ATF7: variants seen among roughly 807,000 people sequenced by gnomAD.
The protein encoded by ATF7 is cyclic AMP-dependent transcription factor ATF-7.
ATF7 carries 10 observed loss-of-function variants against 50.4 expected under a neutral mutation model. The ratio of observed to expected loss-of-function variants is 0.20; its 90% confidence interval spans 0.12 to 0.34. The LOEUF is 0.34. Ranked by LOEUF, ATF7 falls within the 10% of genes least tolerant of loss-of-function variation. The pLI, the probability that ATF7 is intolerant of heterozygous loss-of-function variation, is 1.00. For synonymous variants in ATF7, 201 were observed against 226.4 expected (o/e 0.89, Z 1.01); for missense variants, 465 against 613.9 (o/e 0.76, Z 2.56).
At chr12:53,596,483 C>T (rs1943162950) in intron 2 of ATF7, among the ~76,000 whole-genome samples, 1 of 152,120 alleles carries the variant, frequency 6.6e-6, no homozygotes, top group Non-Finnish European at 1.5e-5. Context: ...TCTGTTCAAA[C>T]ACTTGATTAT....
At chr12:53,550,766 T>C (rs868805770) in intron 3 of ATF7, among the ~76,000 whole-genome samples, 5 of 152,312 alleles carry the variant, frequency 3.3e-5, no homozygotes, top group Middle Eastern at 3.4e-3. Context: ...TAACTGGAGA[T>C]GTGAGAATTA....
rs781078507 is a variant in ATF7, at chr12:53,621,892, G to A, written c.-22+4387C>T. On this transcript the variant is annotated intron_variant, in intron 1 of 11. Transcript: ENST00000420353. ...TAAAATAGAAGTTGTGATTCCCCCC[G>A]TAGTTTGTATTTATTAGATTATATC... 2.1e-4 allele frequency among the ~76,000 whole-genome samples: 32 copies of A among 151,688 alleles called. 1 individual carries two copies. The highest frequency in any genetic ancestry group is 5.9e-5 in the Non-Finnish European group (4 of 67,992).
intron 1 of ATF7, among the ~76,000 whole-genome samples, chr12:53,606,232 T>C (rs1943600378): frequency 6.6e-6 from 1 of 151,550 alleles, no homozygotes; most frequent in Admixed American, 6.6e-5. Flanking sequence ...GCCAATAGAG[T>C]ATGCAGCAGA....
intron 2 of ATF7, among the ~76,000 whole-genome samples, chr12:53,584,790 G>A (rs150415424): frequency 4.9e-4 from 75 of 152,174 alleles, no homozygotes; most frequent in African/African-American, 1.8e-3. Context: ...AGTATGAAAC[G>A]GCCTTATATT....
chr12:53,611,492 T>C (rs1335527619), intron 1 of ATF7, among the ~76,000 whole-genome samples: 1 of 152,076 alleles, frequency 6.6e-6, no homozygotes, highest in African/African-American at 2.4e-5. Flanking sequence ...AATCCAGTAA[T>C]AGTATATATG....
chr12:53,588,023 T>C (rs916923555), intron 2 of ATF7, among the ~76,000 whole-genome samples: 1 of 151,452 alleles, frequency 6.6e-6, no homozygotes, highest in Non-Finnish European at 1.5e-5. Flanking sequence ...CTAATTTTTG[T>C]AGTTTTAGTA....
At chr12:53,609,181 T>C (rs1943740089) in intron 1 of ATF7, among the ~76,000 whole-genome samples, 1 of 147,622 alleles carries the variant, frequency 6.8e-6, no homozygotes, top group Non-Finnish European at 1.5e-5. Context: ...TGAGACAGGG[T>C]TCTGCTCTTG....
At chr12:53,575,173 C>T (rs903416550) in intron 2 of ATF7, among the ~76,000 whole-genome samples, 14 of 151,858 alleles carry the variant, frequency 9.2e-5, no homozygotes, top group East Asian at 5.8e-4. Flanking sequence ...TTTGGGAGGC[C>T]GAGGCAGGCG....
intron 2 of ATF7, among the ~76,000 whole-genome samples, chr12:53,572,745 G>A (rs1365056879): frequency 6.6e-6 from 1 of 151,888 alleles, no homozygotes; most frequent in South Asian, 2.1e-4. Flanking sequence ...CCAGGAGTTC[G>A]AGACTAGCCT....
intron 4 of ATF7, 111 bp downstream of exon 4, chr12:53,543,219 C>A (rs1404766826): frequency 6.5e-7 from 1 of 1,550,134 alleles, no homozygotes; most frequent in African/African-American, 1.4e-5. Context: ...TTTTACTCTA[C>A]TAAGCCCATG....
At chr12:53,529,268 C>T (rs916251981) in intron 9 of ATF7, among the ~76,000 whole-genome samples, 10 of 152,128 alleles carry the variant, frequency 6.6e-5, no homozygotes, top group African/African-American at 9.7e-5. Context: ...GGTGCGATCT[C>T]GGCTCACCGC....
At chr12:53,526,424 TATG>T (rs138556276) in intron 9 of ATF7, among the ~76,000 whole-genome samples, 1,644 of 152,208 alleles carry the variant, frequency 0.011, 16 homozygotes, top group South Asian at 0.068. Flanking sequence ...GTCTCTTCCT[TATG>T]ATTTTCTTAA....
At chr12:53,601,389 C>T (rs1372189839) in intron 1 of ATF7, among the ~76,000 whole-genome samples, 5 of 152,056 alleles carry the variant, frequency 3.3e-5, no homozygotes, top group South Asian at 4.1e-4. Flanking sequence ...TATTTCTGAA[C>T]GAGAGAAGAC....
At chr12:53,522,952 G>A (rs1486294719) in intron 11 of ATF7, among the ~76,000 whole-genome samples, 3 of 152,232 alleles carry the variant, frequency 2.0e-5, no homozygotes, top group Admixed American at 2.0e-4. Flanking sequence ...CCTAATCTGA[G>A]TGCAGAGTGC....
chr12:53,569,959 G>A (rs562189746), intron 2 of ATF7, among the ~76,000 whole-genome samples: 62 of 152,264 alleles, frequency 4.1e-4, no homozygotes, highest in Non-Finnish European at 7.9e-4. Context: ...TTACAGGTGT[G>A]AGCCACCGCG....
At chr12:53,609,399 C>T (rs946053116) in intron 1 of ATF7, among the ~76,000 whole-genome samples, 21 of 151,778 alleles carry the variant, frequency 1.4e-4, no homozygotes, top group African/African-American at 4.8e-4. Flanking sequence ...GGTGATCTGC[C>T]CGCCTCAGCC....
In ATF7 at chr12:53,564,937, G is replaced by GTGTGGCCCAAGACAATTCTTCTTCCAA. The variant is rs554984767; in HGVS notation, c.49-12327_49-12301dup. ...ATTGTTGGCGTTAGTATATTTTTAT[G>GTGTGGCCCAAGACAATTCTTCTTCCAA]TGTGGCCCAAGACAATTCTTCTTCC... is the stretch of plus-strand genomic sequence containing the variant. On this transcript the variant is annotated intron_variant, in intron 2 of 11. Transcript: ENST00000420353. Among the ~76,000 whole-genome samples, 675 of 151,908 alleles carry GTGTGGCCCAAGACAATTCTTCTTCCAA rather than the reference G, an allele frequency of 4.4e-3. 4 individuals are homozygous for GTGTGGCCCAAGACAATTCTTCTTCCAA. The highest frequency in any genetic ancestry group is 0.016 in the African/African-American group (653 of 41,386).
At chr12:53,555,248 C>T (rs2137525198) in intron 2 of ATF7, among the ~76,000 whole-genome samples, 1 of 151,458 alleles carries the variant, frequency 6.6e-6, no homozygotes, top group Admixed American at 6.6e-5. Flanking sequence ...TCGCTTGAAC[C>T]AGGTAGACGG....
chr12:53,616,277 C>T (rs771852811), intron 1 of ATF7, among the ~76,000 whole-genome samples: 3 of 152,162 alleles, frequency 2.0e-5, no homozygotes, highest in Admixed American at 6.5e-5. Flanking sequence ...GGCTAGAGTG[C>T]AGTGGCGTGA....
Sources: allele counts gnomAD v4.1 joint callset (sites outside exome capture counted in the v4.1 genomes callset), GRCh38; gene constraint gnomAD v4.1.1; transcripts MANE v1.5; gene names NCBI Gene and HGNC (gene_info 2026-07-23, HGNC 2026-07-21).